Variants in SCEL observed in about 807,000 individuals in gnomAD.
SCEL encodes sciellin.
A neutral mutation model predicts 117.6 loss-of-function variants in SCEL; 113 were observed. That is an observed-to-expected ratio of 0.96 (90% confidence interval 0.83 to 1.12). The LOEUF (loss-of-function observed/expected upper bound fraction) is 1.12, where lower values mean the gene tolerates loss of function less well. Ranked by LOEUF, SCEL falls within the 50% of genes most tolerant of loss-of-function variation. The pLI, the probability that SCEL is intolerant of heterozygous loss-of-function variation, is 0.00. For missense variants in SCEL, 785 were observed against 810.8 expected (o/e 0.97, Z 0.39); for synonymous variants, 270 against 256.2 (o/e 1.05, Z -0.51).
chr13:77,620,398 C>T (rs2154404165), intron 27 of SCEL, among the ~76,000 whole-genome samples: 1 of 152,294 alleles, frequency 6.6e-6, no homozygotes, highest in East Asian at 1.9e-4. Flanking sequence ...CAGTGTGACA[C>T]AAGCCCTGAT....
intron 9 of SCEL, among the ~76,000 whole-genome samples, chr13:77,582,819 C>A (rs1403436273): frequency 2.0e-5 from 3 of 151,520 alleles, no homozygotes; most frequent in African/African-American, 7.2e-5. Context: ...ACAAAAATTT[C>A]TTCTGTTTTC....
chr13:77,576,867 G>C (rs1463067981), intron 9 of SCEL, among the ~76,000 whole-genome samples: 1 of 152,152 alleles, frequency 6.6e-6, no homozygotes, highest in Non-Finnish European at 1.5e-5. Context: ...CTTGTTAGCT[G>C]TATTCCTAGG....
At chr13:77,635,616 A>G (rs1023595689) in intron 29 of SCEL, among the ~76,000 whole-genome samples, 1 of 152,264 alleles carries the variant, frequency 6.6e-6, no homozygotes, top group Admixed American at 6.5e-5. Flanking sequence ...GAATAGGAAT[A>G]TTCTGCTAAA....
In SCEL at chr13:77,623,112, C is replaced by G. The variant is rs114033640; in HGVS notation, c.1629-4835C>G. On this transcript the variant is annotated intron_variant, in intron 27 of 32. Coordinates refer to ENST00000349847, the MANE Select transcript of SCEL (RefSeq NM_144777.3). ...AAATCTATTTTTCACAGTTGACTCA[C>G]AGTTCTTCATCTTACACCACAGTGT... Among the ~76,000 whole-genome samples the G allele has an allele frequency of 2.8e-3, 425 of 152,332 alleles. 2 individuals are homozygous for G. The highest frequency in any genetic ancestry group is 9.7e-3 in the African/African-American group (402 of 41,566).
At chr13:77,628,170 G>GTATA (rs67297453) in intron 28 of SCEL, among the ~76,000 whole-genome samples, 161 bp downstream of exon 28, 4,070 of 139,682 alleles carry the variant, frequency 0.029, 193 homozygotes, top group African/African-American at 0.1. Context: ...ATATGTGTGT[G>GTATA]TATATATATA....
chr13:77,554,198 T>C (rs1157572327), intron 1 of SCEL, among the ~76,000 whole-genome samples: 1 of 152,148 alleles, frequency 6.6e-6, no homozygotes, highest in Non-Finnish European at 1.5e-5. Context: ...AGCTCTGAAG[T>C]GCGAGTCACT....
At chr13:77,539,076 T>G (rs1214575698) in intron 1 of SCEL, among the ~76,000 whole-genome samples, 1 of 152,122 alleles carries the variant, frequency 6.6e-6, no homozygotes, top group Non-Finnish European at 1.5e-5. Context: ...GTGTAAAAGT[T>G]TAAAAGAAAT....
At chr13:77,561,425 C>T (rs982417935) in intron 4 of SCEL, among the ~76,000 whole-genome samples, 1 of 152,166 alleles carries the variant, frequency 6.6e-6, no homozygotes, top group Non-Finnish European at 1.5e-5. Flanking sequence ...AATCTGTAAG[C>T]CCTAGACATT....
chr13:77,602,428 C>G (rs866938455), intron 16 of SCEL: 5 of 491,976 alleles, frequency 1.0e-5, no homozygotes, highest in Non-Finnish European at 1.4e-5. Context: ...AATTGCACAG[C>G]GAGAGCCACA....
In SCEL at chr13:77,596,346, G is replaced by A. The variant is rs981149949; in HGVS notation, c.753-1199G>A. Among the ~76,000 whole-genome samples the A allele has an allele frequency of 9.9e-5, 15 of 151,350 alleles. 1 individual carries two copies. Among genetic ancestry groups the A allele is most frequent in the Admixed American group, 2.6e-4 (4 of 15,172 alleles). On this transcript the variant is annotated intron_variant, in intron 12 of 32. Coordinates refer to ENST00000349847, the MANE Select transcript of SCEL (RefSeq NM_144777.3). ...GAAACTCTGTCTTAAAAAAAAAAAAGTATAGCAAGCATTTATTAAACAAAA... is the reference window on the plus strand; with the variant it reads ...GAAACTCTGTCTTAAAAAAAAAAAAATATAGCAAGCATTTATTAAACAAAA...
intron 13 of SCEL, among the ~76,000 whole-genome samples, chr13:77,598,412 A>T (rs1288545314): frequency 6.6e-6 from 1 of 152,202 alleles, no homozygotes. Flanking sequence ...GGCAATAATG[A>T]TCACTTAATC....
At chr13:77,547,322 G>GTA (rs2084047207) in intron 1 of SCEL, among the ~76,000 whole-genome samples, 1 of 152,158 alleles carries the variant, frequency 6.6e-6, no homozygotes, top group Admixed American at 6.5e-5. Context: ...AATCTATAGT[G>GTA]ATGATTACTA....
At chr13:77,605,879 C>T (rs933932028) in intron 19 of SCEL, among the ~76,000 whole-genome samples, 3 of 151,916 alleles carry the variant, frequency 2.0e-5, no homozygotes, top group Admixed American at 6.6e-5. Context: ...CCCAACTACT[C>T]GGGAGGCTGA....
At chr13:77,597,921 C>G (rs2154400998) in intron 13 of SCEL, among the ~76,000 whole-genome samples, 1 of 152,054 alleles carries the variant, frequency 6.6e-6, no homozygotes, top group Non-Finnish European at 1.5e-5. Flanking sequence ...TTTAGTTTAA[C>G]CATTACAAAA....
chr13:77,571,121 C>A (rs563180729), intron 8 of SCEL, among the ~76,000 whole-genome samples: 1 of 151,020 alleles, frequency 6.6e-6, no homozygotes, highest in East Asian at 2.0e-4. Flanking sequence ...TGAGGCCCTG[C>A]GCCTAGCTCG....
chr13:77,554,973 C>T (rs1383429729), intron 1 of SCEL, among the ~76,000 whole-genome samples: 1 of 152,030 alleles, frequency 6.6e-6, no homozygotes, highest in East Asian at 1.9e-4. Context: ...CACACAAAGG[C>T]CCCCAATATA....
intron 27 of SCEL, among the ~76,000 whole-genome samples, chr13:77,627,318 A>T (rs950382425): frequency 3.9e-5 from 6 of 152,214 alleles, no homozygotes; most frequent in African/African-American, 7.2e-5. Context: ...TGAATGAGAT[A>T]ATCCTTGTGA....
Position 77,599,669 on chromosome 13 carries a change from G to A in SCEL, c.858-20G>A. The A allele has an allele frequency of 6.3e-7, 1 of 1,581,136 alleles. No homozygotes were observed. Among genetic ancestry groups the A allele is most frequent in the Non-Finnish European group, 8.7e-7 (1 of 1,149,966 alleles). On this transcript the variant is annotated intron_variant, in intron 14 of 32. Coordinates refer to ENST00000349847, the MANE Select transcript of SCEL (RefSeq NM_144777.3). ...CATTTCAGTATGCAGCCTTTTATGT[G>A]AATTTCTTTGTGTTTTCAGAGCCAA... is the stretch of plus-strand genomic sequence containing the variant.
chr13:77,537,745 T>C (rs1016627934), intron 1 of SCEL, among the ~76,000 whole-genome samples: 2 of 152,182 alleles, frequency 1.3e-5, no homozygotes, highest in Non-Finnish European at 2.9e-5. Flanking sequence ...ACCTGAGAGG[T>C]TCATATTCCT....
Sources: gnomAD v4.1 joint callset for allele counts (sites outside exome capture counted in the v4.1 genomes callset) on GRCh38, gnomAD v4.1.1 for gene constraint, MANE v1.5 for transcripts, NCBI Gene and HGNC (gene_info 2026-07-23, HGNC 2026-07-21) for gene names.